The following ST3GAL3 variants were observed in gnomAD, a reference collection of about 807,000 sequenced individuals.
ST3GAL3 encodes ST3 beta-galactoside alpha-2,3-sialyltransferase 3, also known as CMP-N-acetylneuraminate-beta-1,4-galactoside alpha-2,3-sialyltransferase.
ST3GAL3 carries 21 observed loss-of-function variants against 50.1 expected under a neutral mutation model. The ratio of observed to expected loss-of-function variants is 0.42; its 90% confidence interval spans 0.30 to 0.60. The LOEUF (loss-of-function observed/expected upper bound fraction) is 0.60. ST3GAL3 is among the 20% of genes least tolerant of loss of function. The pLI, the probability that ST3GAL3 is intolerant of heterozygous loss-of-function variation, is 0.19. For synonymous variants in ST3GAL3, 183 were observed against 190.0 expected, an observed-to-expected ratio of 0.96 and a Z score of 0.30; for missense variants, 353 against 489.4, an observed-to-expected ratio of 0.72 and a Z score of 2.63.
chr1:43,816,724 G>T (rs1275984030), intron 4 of ST3GAL3, among the ~76,000 whole-genome samples: 3 of 152,228 alleles, frequency 2.0e-5, no homozygotes, highest in Non-Finnish European at 4.4e-5. Flanking sequence ...GTAGGCTGTT[G>T]TGTAGCTTTC....
At chr1:43,911,077 T>G (rs1334709573) in intron 9 of ST3GAL3, 1 of 151,934 alleles carries the variant, frequency 6.6e-6, no homozygotes, top group African/African-American at 2.4e-5. Context: ...AAGGAGGGTA[T>G]TTGCAGAGGC....
intron 5 of ST3GAL3, among the ~76,000 whole-genome samples, chr1:43,873,402 G>A (rs1007733789): frequency 6.6e-6 from 1 of 152,220 alleles, no homozygotes; most frequent in African/African-American, 2.4e-5. Flanking sequence ...ATGACTGCAA[G>A]AAGAGCAGGT....
chr1:43,898,116 C>G, intron 6 of ST3GAL3, 119 bp from the exon 7 acceptor site: 1 of 1,077,080 alleles, frequency 9.3e-7, no homozygotes, highest in Admixed American at 1.9e-5. Flanking sequence ...CCAGAGCTCT[C>G]TCCACTTCCA....
At chr1:43,776,279 T>C (rs1270736627) in intron 2 of ST3GAL3, among the ~76,000 whole-genome samples, 1 of 152,208 alleles carries the variant, frequency 6.6e-6, no homozygotes, top group Non-Finnish European at 1.5e-5. Flanking sequence ...GATTTGCATG[T>C]CCTGGACATT....
intron 2 of ST3GAL3, among the ~76,000 whole-genome samples, chr1:43,787,159 G>C (rs1030727258): frequency 4.6e-5 from 7 of 152,252 alleles, no homozygotes; most frequent in African/African-American, 1.7e-4. Flanking sequence ...TGTGCAGCAA[G>C]GCTGTGCTGT....
At chr1:43,876,136 A>T (rs957025289) in intron 5 of ST3GAL3, among the ~76,000 whole-genome samples, 6 of 151,796 alleles carry the variant, frequency 4.0e-5, no homozygotes, top group Admixed American at 1.3e-4. Context: ...ATAATTTTTT[A>T]AATTTTTTGT....
At chr1:43,823,322 C>T (rs1389549773) in intron 4 of ST3GAL3, among the ~76,000 whole-genome samples, 2 of 152,174 alleles carry the variant, frequency 1.3e-5, no homozygotes, top group Admixed American at 6.5e-5. Context: ...TCCACACCTT[C>T]GTTTCTTGTT....
At chr1:43,920,309 C>T in intron 9 of ST3GAL3, 95 bp from the exon 10 acceptor site, 2 of 1,530,164 alleles carry the variant, frequency 1.3e-6, no homozygotes, top group Non-Finnish European at 1.8e-6. Context: ...GCCTCATGCT[C>T]CCGCCTCACT....
intron 5 of ST3GAL3, among the ~76,000 whole-genome samples, chr1:43,863,653 G>A (rs1558632343): frequency 6.6e-6 from 1 of 152,216 alleles, no homozygotes; most frequent in Non-Finnish European, 1.5e-5. Flanking sequence ...CACTAAGCCA[G>A]CTTCCGCCCC....
At chr1:43,795,099 G>A (rs780480572) in intron 3 of ST3GAL3, among the ~76,000 whole-genome samples, 1 of 152,122 alleles carries the variant, frequency 6.6e-6, no homozygotes, top group African/African-American at 2.4e-5. Flanking sequence ...GTAAAATATA[G>A]CAAATATATA....
intron 1 of ST3GAL3, among the ~76,000 whole-genome samples, chr1:43,735,431 A>T (rs1362651123): frequency 6.6e-6 from 1 of 152,184 alleles, no homozygotes; most frequent in Non-Finnish European, 1.5e-5. Flanking sequence ...AGATTCAAAG[A>T]GTGAGAGAGC....
chr1:43,849,112 C>A (rs182219086), intron 5 of ST3GAL3, among the ~76,000 whole-genome samples: 2 of 152,238 alleles, frequency 1.3e-5, no homozygotes, highest in Admixed American at 1.3e-4. Context: ...TATGTACCCA[C>A]ATAGTAGTTG....
chr1:43,731,503 G>A (rs1286469907), intron 1 of ST3GAL3, among the ~76,000 whole-genome samples: 34 of 148,940 alleles, frequency 2.3e-4, no homozygotes, highest in African/African-American at 8.4e-4. Context: ...TCCTGCCTCA[G>A]CCTCCCGAGT....
rs1010420794 is a variant in ST3GAL3, at chr1:43,751,223, C to G, written c.118+14843C>G. Among the ~76,000 whole-genome samples the G allele has an allele frequency of 5.9e-5, 9 of 152,168 alleles. No homozygotes were observed. The South Asian group carries it at 1.9e-3, about 32-fold the overall frequency. ...TTTTATTTTTCCATATTGGCAGTAC[C>G]TTTCATGCTGGCAAAGAGTTTAGAA... On this transcript the variant is annotated intron_variant, in intron 2 of 11. Coordinates refer to ENST00000347631, the MANE Select transcript of ST3GAL3 (RefSeq NM_006279.5).
chr1:43,720,454 A>G (rs968245508), intron 1 of ST3GAL3: 2 of 152,216 alleles, frequency 1.3e-5, no homozygotes, highest in African/African-American at 4.8e-5. Context: ...TTTATAAAAA[A>G]CAGATTTATT....
intron 5 of ST3GAL3, chr1:43,858,214 G>T (rs1279833164): frequency 7.8e-7 from 1 of 1,289,394 alleles, no homozygotes; most frequent in Non-Finnish European, 1.0e-6. Flanking sequence ...GAGGATTGTG[G>T]GGACACAGAG....
At chr1:43,871,213 G>A (rs1263601680) in intron 5 of ST3GAL3, among the ~76,000 whole-genome samples, 1 of 152,192 alleles carries the variant, frequency 6.6e-6, no homozygotes, top group Non-Finnish European at 1.5e-5. Context: ...CCAGTGGATG[G>A]AGCACTCCAG....
chr1:43,855,588 C>T (rs535712455), intron 5 of ST3GAL3, among the ~76,000 whole-genome samples: 4 of 149,256 alleles, frequency 2.7e-5, no homozygotes, highest in South Asian at 2.1e-4. Context: ...CCAGCCTGAG[C>T]GACAGAGCAA....
intron 7 of ST3GAL3, 42 bp downstream of exon 7, chr1:43,898,340 G>T (rs1456645473): frequency 1.9e-6 from 3 of 1,606,924 alleles, no homozygotes; most frequent in Non-Finnish European, 2.5e-6. Flanking sequence ...CCGCTGCCTG[G>T]TGGTGTGCAG....
Sources: allele counts gnomAD v4.1 joint callset (sites outside exome capture counted in the v4.1 genomes callset), GRCh38; gene constraint gnomAD v4.1.1; transcripts MANE v1.5; gene names NCBI Gene and HGNC (gene_info 2026-07-23, HGNC 2026-07-21).